The following GAREM1 variants were observed in gnomAD, a reference collection of about 807,000 sequenced individuals.
The protein encoded by GAREM1 is GRB2 associated regulator of MAPK1 subtype 1, also known as GRB2-associated and regulator of MAPK protein 1.
A neutral mutation model predicts 71.3 loss-of-function variants in GAREM1; 26 were observed. The ratio of observed to expected loss-of-function variants is 0.36; its 90% CI spans 0.27 to 0.51. The LOEUF is 0.51. Ranked by LOEUF, GAREM1 falls within the 20% of genes least tolerant of loss-of-function variation. GAREM1 has a pLI of 0.95. For synonymous variants in GAREM1, 440 were observed against 433.2 expected (o/e 1.02, Z -0.20); for missense variants, 1,026 against 1,103.1 (o/e 0.93, Z 0.99).
At chr18:32,430,481 T>C (rs974317769) in intron 1 of GAREM1, among the ~76,000 whole-genome samples, 3 of 152,106 alleles carry the variant, frequency 2.0e-5, no homozygotes, top group African/African-American at 7.2e-5. Context: ...TAAACAAATA[T>C]ATTGGAAGGA....
intron 1 of GAREM1, among the ~76,000 whole-genome samples, chr18:32,455,067 G>A (rs1163334436): frequency 2.0e-5 from 3 of 152,176 alleles, no homozygotes; most frequent in African/African-American, 4.8e-5. Flanking sequence ...TGGAATCCAG[G>A]ATCGAGGTTT....
intron 1 of GAREM1, among the ~76,000 whole-genome samples, chr18:32,427,840 G>A (rs993403584): frequency 1.3e-5 from 2 of 151,732 alleles, no homozygotes; most frequent in African/African-American, 4.8e-5. Flanking sequence ...TATTAAAGCT[G>A]TATTTTCTAA....
chr18:32,430,438 ACT>A (rs1301655303), intron 1 of GAREM1, among the ~76,000 whole-genome samples: 2 of 152,192 alleles, frequency 1.3e-5, no homozygotes. Flanking sequence ...GGATTCACAA[ACT>A]CTCTCTATAT....
At chr18:32,288,990 C>T (rs1389506407) in intron 3 of GAREM1, among the ~76,000 whole-genome samples, 2 of 152,118 alleles carry the variant, frequency 1.3e-5, no homozygotes, top group Non-Finnish European at 2.9e-5. Flanking sequence ...AATAGTACTG[C>T]AATGAACTTT....
intron 1 of GAREM1, among the ~76,000 whole-genome samples, chr18:32,428,722 T>A (rs539432816): frequency 6.6e-6 from 1 of 152,156 alleles, no homozygotes; most frequent in Non-Finnish European, 1.5e-5. Flanking sequence ...AATACAACCA[T>A]TAAATGTCAC....
intron 2 of GAREM1, among the ~76,000 whole-genome samples, chr18:32,366,524 T>C (rs1159487061): frequency 6.6e-6 from 1 of 152,226 alleles, no homozygotes; most frequent in African/African-American, 2.4e-5. Context: ...GGAACCTGTA[T>C]ATAATAGAGA....
rs1568001248 is a variant in GAREM1, at chr18:32,412,396, T to C, written c.122-19361A>G. On this transcript the variant is annotated intron_variant, in intron 1 of 5. Coordinates refer to ENST00000269209, the MANE Select transcript of GAREM1 (RefSeq NM_001242409.2). ...TGATTGTTGTAATTGCCAAAATCATTGTAGCTTCCACCACCTCCAAAATTG... is the reference window on the plus strand; with the variant it reads ...TGATTGTTGTAATTGCCAAAATCATCGTAGCTTCCACCACCTCCAAAATTG... 24 of 1,586,520 alleles carry C rather than the reference T, an allele frequency of 1.5e-5. 1 individual carries two copies. Among genetic ancestry groups the C allele is most frequent in the South Asian group, 3.3e-5 (3 of 90,750 alleles).
rs1352819841 is a variant in GAREM1 at position 32,264,197 on chromosome 18, A to G, written c.*3674T>C. On this transcript the variant is annotated 3_prime_UTR_variant, in exon 6 of 6. Transcript: ENST00000269209. ...TCAAGCAGCCTGGTGCCTTTAGGTA[A>G]CTTGAAAGATAGTGGAAATTGATAT... 1.1e-4 allele frequency: 17 copies of G among 152,168 alleles called. No individual in the cohort carries two copies. Among genetic ancestry groups the G allele is most frequent in the Non-Finnish European group, 2.5e-4 (17 of 68,026 alleles). The allele number at this position is 152,168 out of a possible 1,614,324, so 9.4% of individuals were successfully genotyped here.
At chr18:32,449,261 C>A (rs1304187962) in intron 1 of GAREM1, among the ~76,000 whole-genome samples, 1 of 152,150 alleles carries the variant, frequency 6.6e-6, no homozygotes, top group Non-Finnish European at 1.5e-5. Flanking sequence ...GAAATAAACA[C>A]CAACGGATTT....
chr18:32,361,109 A>G (rs1250943872), intron 2 of GAREM1, among the ~76,000 whole-genome samples: 2 of 152,218 alleles, frequency 1.3e-5, no homozygotes, highest in Admixed American at 6.5e-5. Flanking sequence ...GTCAGGTCTT[A>G]GGCAGGTAGG....
intron 3 of GAREM1, among the ~76,000 whole-genome samples, chr18:32,296,123 C>T (rs936954256): frequency 6.6e-6 from 1 of 152,002 alleles, no homozygotes; most frequent in African/African-American, 2.4e-5. Context: ...GCACCATGCT[C>T]AGCTAATTTT....
intron 1 of GAREM1, among the ~76,000 whole-genome samples, chr18:32,418,683 A>G (rs765071687): frequency 2.6e-5 from 4 of 152,136 alleles, no homozygotes; most frequent in South Asian, 2.1e-4. Flanking sequence ...AATAGAACCA[A>G]TAAGATCGAA....
At chr18:32,353,115 G>A (rs1223144373) in intron 2 of GAREM1, among the ~76,000 whole-genome samples, 1 of 152,162 alleles carries the variant, frequency 6.6e-6, no homozygotes, top group Non-Finnish European at 1.5e-5. Flanking sequence ...TTTAGAATGA[G>A]AACCTATATC....
At chr18:32,364,311 A>G (rs1392282555) in intron 2 of GAREM1, among the ~76,000 whole-genome samples, 2 of 151,660 alleles carry the variant, frequency 1.3e-5, no homozygotes, top group Non-Finnish European at 2.9e-5. Flanking sequence ...CTGAGATTAC[A>G]GGCATGAGCC....
At position 32,411,455 on chromosome 18, in the gene GAREM1, G is replaced by T. The variant is rs371943065; in HGVS notation, c.122-18420C>A. 3.7e-4 allele frequency among the ~76,000 whole-genome samples: 56 copies of T among 151,690 alleles called. No individual in the cohort carries two copies. In the East Asian group the frequency reaches 8.1e-3, roughly 22 times the overall value. Reference sequence around the variant, plus strand: ...TTATAAAATATACTTCATTGTACCAGAAGTTATATCAAATATATATTCTTC... The same window carrying T: ...TTATAAAATATACTTCATTGTACCATAAGTTATATCAAATATATATTCTTC... On this transcript the variant is annotated intron_variant, in intron 1 of 5. Transcript: ENST00000269209.
rs1351582426 is a variant in GAREM1 at position 32,283,206 on chromosome 18, C to A, written c.1566+3825G>T. On this transcript the variant is annotated intron_variant, in intron 4 of 5. Coordinates refer to ENST00000269209, the MANE Select transcript of GAREM1 (RefSeq NM_001242409.2). Reference sequence around the variant, plus strand: ...GACATTCCCGTGAGGAAGAGAACGGCCTCTCATATTCCAGAGAGGTTAGTG... The same window carrying A: ...GACATTCCCGTGAGGAAGAGAACGGACTCTCATATTCCAGAGAGGTTAGTG... 5.9e-5 allele frequency among the ~76,000 whole-genome samples: 9 copies of A among 152,162 alleles called. No individual in the cohort carries two copies. In the South Asian group the frequency reaches 6.2e-4, roughly 11 times the overall value.
chr18:32,344,161 C>T (rs188162969), intron 2 of GAREM1, among the ~76,000 whole-genome samples: 1 of 152,144 alleles, frequency 6.6e-6, no homozygotes, highest in African/African-American at 2.4e-5. Context: ...GCCTTCCTCC[C>T]CGCCTCCTCA....
In GAREM1 at chr18:32,470,465, C is replaced by G; in HGVS notation, c.-37G>C. The G allele has an allele frequency of 7.8e-7, 1 of 1,276,534 alleles. No individual in the cohort carries two copies. Among genetic ancestry groups the G allele is most frequent in the Non-Finnish European group, 1.0e-6 (1 of 998,886 alleles). 79.1% of individuals were successfully genotyped at this position (1,276,534 alleles called of 1,614,324 possible). ...CCTCCTGTCCCGCGCTCCCCCGCCGCCGCCACCGGCACCACCCGCGCCTCG... is the reference window on the plus strand; with the variant it reads ...CCTCCTGTCCCGCGCTCCCCCGCCGGCGCCACCGGCACCACCCGCGCCTCG... On this transcript the variant is annotated 5_prime_UTR_variant, in exon 1 of 6. Coordinates refer to ENST00000269209, the MANE Select transcript of GAREM1 (RefSeq NM_001242409.2). This position sits in a 1 kb window ranked among gnomAD's most constrained non-coding sequence, Gnocchi z 4.4.
intron 3 of GAREM1, 34 bp downstream of exon 3, chr18:32,310,159 G>T: frequency 6.2e-7 from 1 of 1,608,198 alleles, no homozygotes; most frequent in South Asian, 1.1e-5. Flanking sequence ...TATCTTTAGT[G>T]AGTATAAATA....
Sources: gnomAD v4.1 joint callset for allele counts (sites outside exome capture counted in the v4.1 genomes callset) on GRCh38, gnomAD v4.1.1 for gene constraint, Gnocchi (gnomAD v3.1) non-coding constraint, MANE v1.5 for transcripts, NCBI Gene and HGNC (gene_info 2026-07-23, HGNC 2026-07-21) for gene names.